KLHL1: variants seen among roughly 807,000 people sequenced by gnomAD.
KLHL1 encodes the protein kelch-like protein 1.
A neutral mutation model predicts 77.7 loss-of-function variants in KLHL1; 47 were observed. That is an observed-to-expected ratio of 0.60 (90% CI 0.48 to 0.77). The LOEUF (loss-of-function observed/expected upper bound fraction) is 0.77. Among genes scored for constraint, KLHL1 ranks in the 30% least tolerant of loss-of-function variants. The pLI is 0.00. For synonymous variants in KLHL1, 360 were observed against 325.2 expected, an observed-to-expected ratio of 1.11 and a Z score of -1.15; for missense variants, 925 against 910.8, an observed-to-expected ratio of 1.02 and a Z score of -0.20.
intron 6 of KLHL1, among the ~76,000 whole-genome samples, chr13:69,811,593 C>A (rs1877882504): frequency 6.6e-6 from 1 of 152,054 alleles, no homozygotes; most frequent in African/African-American, 2.4e-5. Context: ...CACTATAAAT[C>A]CTCTATTCAA....
intron 1 of KLHL1, among the ~76,000 whole-genome samples, chr13:70,056,535 T>G (rs1347677974): frequency 6.6e-6 from 1 of 152,148 alleles, no homozygotes; most frequent in Non-Finnish European, 1.5e-5. Context: ...TTCTTTTCCT[T>G]AGCTCATAAA....
chr13:70,080,967 C>A (rs983585825), intron 1 of KLHL1, among the ~76,000 whole-genome samples: 1 of 152,146 alleles, frequency 6.6e-6, no homozygotes, highest in Non-Finnish European at 1.5e-5. Context: ...TCCTTTAAAT[C>A]CAGCTTGATT....
intron 1 of KLHL1, among the ~76,000 whole-genome samples, chr13:70,078,317 A>G (rs961719905): frequency 2.6e-5 from 4 of 152,130 alleles, no homozygotes; most frequent in African/African-American, 4.8e-5. Context: ...GTCATATTAA[A>G]TAGAATTTTC....
intron 3 of KLHL1, among the ~76,000 whole-genome samples, chr13:69,947,806 G>A (rs957927486): frequency 3.3e-5 from 5 of 151,878 alleles, no homozygotes; most frequent in South Asian, 2.1e-4. Context: ...TGTATTTCTC[G>A]GCCAGACCTA....
intron 6 of KLHL1, among the ~76,000 whole-genome samples, chr13:69,807,445 G>A (rs1398802922): frequency 2.0e-5 from 3 of 152,028 alleles, no homozygotes; most frequent in Non-Finnish European, 4.4e-5. Context: ...TCCCTTCTCT[G>A]TTGCTTCTGC....
intron 7 of KLHL1, among the ~76,000 whole-genome samples, chr13:69,767,041 C>A (rs1875337357): frequency 6.6e-6 from 1 of 152,104 alleles, no homozygotes. Flanking sequence ...TGGTATTTTT[C>A]TAGAGTTTTT....
At position 70,038,745 on chromosome 13, in the gene KLHL1, C is replaced by T. The variant is rs1886301529; in HGVS notation, c.498-62943G>A. Among the ~76,000 whole-genome samples the T allele has an allele frequency of 2.6e-5, 4 of 151,798 alleles. No individual in the cohort carries two copies. In the South Asian group the frequency reaches 8.3e-4, roughly 32 times the overall value. Reference sequence around the variant, plus strand: ...AGCTGGGATTACAGGCGCCCACCACCATGCCTGGCTAATTTTTGCATTTTT... The same window carrying T: ...AGCTGGGATTACAGGCGCCCACCACTATGCCTGGCTAATTTTTGCATTTTT... On this transcript the variant is annotated intron_variant, in intron 1 of 10. Transcript: ENST00000377844.
chr13:69,718,718 G>A (rs1300034662), intron 9 of KLHL1, among the ~76,000 whole-genome samples: 1 of 152,050 alleles, frequency 6.6e-6, no homozygotes, highest in Non-Finnish European at 1.5e-5. Context: ...CGATACCTGT[G>A]CCAGAAGTCT....
chr13:69,882,739 A>G (rs1287344883), intron 4 of KLHL1, among the ~76,000 whole-genome samples: 1 of 152,214 alleles, frequency 6.6e-6, no homozygotes, highest in African/African-American at 2.4e-5. Context: ...GAGCTTTGTT[A>G]TGCAGGCAGA....
chr13:69,951,094 G>C (rs944564398), intron 3 of KLHL1, among the ~76,000 whole-genome samples: 1 of 151,346 alleles, frequency 6.6e-6, no homozygotes, highest in Admixed American at 6.6e-5. Context: ...TTACCTCTTT[G>C]TCTTGTTGAC....
intron 1 of KLHL1, among the ~76,000 whole-genome samples, chr13:70,026,270 T>A (rs1410479853): frequency 6.6e-6 from 1 of 152,072 alleles, no homozygotes; most frequent in Admixed American, 6.6e-5. Flanking sequence ...CTGATTTTTT[T>A]AAAAAAGGCC....
intron 6 of KLHL1, among the ~76,000 whole-genome samples, chr13:69,819,385 A>G (rs1878248890): frequency 6.6e-6 from 1 of 152,230 alleles, no homozygotes; most frequent in Non-Finnish European, 1.5e-5. Context: ...ATGATTCAAT[A>G]GAAAATCTCT....
intron 9 of KLHL1, among the ~76,000 whole-genome samples, chr13:69,718,674 G>A (rs1174510801): frequency 6.6e-6 from 1 of 152,022 alleles, no homozygotes; most frequent in African/African-American, 2.4e-5. Flanking sequence ...CCATATAATA[G>A]TTCTAAGTAA....
At chr13:69,937,806 A>T (rs928648359) in intron 4 of KLHL1, among the ~76,000 whole-genome samples, 9 of 152,198 alleles carry the variant, frequency 5.9e-5, no homozygotes, top group African/African-American at 2.2e-4. Flanking sequence ...ACAAATAATA[A>T]AGAAGAGAAA....
intron 1 of KLHL1, among the ~76,000 whole-genome samples, chr13:70,100,803 C>T (rs908625567): frequency 6.6e-6 from 1 of 151,986 alleles, no homozygotes; most frequent in African/African-American, 2.4e-5. Context: ...AACTTCAGAC[C>T]ATTTGTTTTT....
intron 2 of KLHL1, among the ~76,000 whole-genome samples, chr13:69,970,866 G>A (rs554827113): frequency 2.1e-4 from 32 of 152,162 alleles, no homozygotes; most frequent in African/African-American, 7.5e-4. Context: ...TCACATGAGG[G>A]AATCTGGCTT....
At chr13:69,754,512 T>C (rs969889514) in intron 7 of KLHL1, among the ~76,000 whole-genome samples, 3 of 152,172 alleles carry the variant, frequency 2.0e-5, no homozygotes, top group Non-Finnish European at 4.4e-5. Context: ...ATTGTTATTA[T>C]TATACATCTT....
chr13:70,075,691 G>A (rs662481), intron 1 of KLHL1, among the ~76,000 whole-genome samples: 94,473 of 137,168 alleles, frequency 0.69, 32,621 homozygotes, highest in East Asian at 0.88. Context: ...ATACACACAC[G>A]TGTGTATATA....
chr13:69,992,763 T>C (rs1055369161), intron 1 of KLHL1, among the ~76,000 whole-genome samples: 2 of 151,912 alleles, frequency 1.3e-5, no homozygotes, highest in Admixed American at 6.6e-5. Context: ...CTCATTCTTA[T>C]ACTAACGCTC....
Sources: allele counts gnomAD v4.1 joint callset (sites outside exome capture counted in the v4.1 genomes callset), GRCh38; gene constraint gnomAD v4.1.1; transcripts MANE v1.5; gene names NCBI Gene and HGNC (gene_info 2026-07-23, HGNC 2026-07-21).